The following DLGAP2 variants were observed in gnomAD, a reference collection of about 807,000 sequenced individuals.
DLGAP2 encodes disks large-associated protein 2.
A neutral mutation model predicts 100.3 loss-of-function variants in DLGAP2; 26 were observed. The ratio of observed to expected loss-of-function variants is 0.26; its 90% CI spans 0.19 to 0.36. The LOEUF (loss-of-function observed/expected upper bound fraction) is 0.36, where lower values mean the gene tolerates loss of function less well. DLGAP2 is among the 10% of genes least tolerant of loss of function. DLGAP2 has a pLI of 1.00. For synonymous variants in DLGAP2, 886 were observed against 630.1 expected (o/e 1.41, Z -6.08); for missense variants, 1,858 against 1,453.2 (o/e 1.28, Z -4.53).
intron 1 of DLGAP2, among the ~76,000 whole-genome samples, chr8:860,145 C>T (rs980952100): frequency 1.3e-5 from 2 of 152,140 alleles, no homozygotes; most frequent in Admixed American, 1.3e-4. Context: ...GCTGTAGATG[C>T]TGTCATGGCT....
At chr8:1,552,525 A>G (rs1801805022) in intron 5 of DLGAP2, among the ~76,000 whole-genome samples, 1 of 152,152 alleles carries the variant, frequency 6.6e-6, no homozygotes, top group Admixed American at 6.5e-5. Flanking sequence ...GGCATTTTCA[A>G]AGATGCCTGT....
chr8:1,281,796 G>C (rs1799818779), intron 3 of DLGAP2, among the ~76,000 whole-genome samples: 1 of 152,158 alleles, frequency 6.6e-6, no homozygotes, highest in South Asian at 2.1e-4. Context: ...GGAGGGACGC[G>C]GTCCCACCCC....
chr8:1,266,523 T>C (rs745764536), intron 3 of DLGAP2, among the ~76,000 whole-genome samples: 1 of 152,126 alleles, frequency 6.6e-6, no homozygotes, highest in Non-Finnish European at 1.5e-5. Flanking sequence ...ATTATTTGCT[T>C]CCTTAAATCC....
At chr8:1,367,864 TA>T (rs559437758) in intron 3 of DLGAP2, among the ~76,000 whole-genome samples, 44 of 152,332 alleles carry the variant, frequency 2.9e-4, no homozygotes, top group Admixed American at 1.2e-3. Context: ...AAATCATATA[TA>T]AACTGGTAAG....
At chr8:1,074,799 T>A (rs185960534) in intron 2 of DLGAP2, among the ~76,000 whole-genome samples, 1 of 152,296 alleles carries the variant, frequency 6.6e-6, no homozygotes, top group Admixed American at 6.5e-5. Flanking sequence ...TATATAGACT[T>A]GATGCAGGTC....
chr8:1,308,992 G>T (rs1182159228), intron 3 of DLGAP2, among the ~76,000 whole-genome samples: 4 of 152,120 alleles, frequency 2.6e-5, no homozygotes, highest in Non-Finnish European at 4.4e-5. Flanking sequence ...TTCAGCAGCA[G>T]ATTTGAGCAG....
intron 2 of DLGAP2, among the ~76,000 whole-genome samples, chr8:1,145,686 A>G (rs919265046): frequency 6.6e-6 from 1 of 151,330 alleles, no homozygotes; most frequent in Non-Finnish European, 1.5e-5. Context: ...ATATGTATAC[A>G]TGTGCCATGC....
intron 1 of DLGAP2, among the ~76,000 whole-genome samples, chr8:799,010 C>G (rs1304348066): frequency 6.6e-6 from 1 of 152,244 alleles, no homozygotes; most frequent in East Asian, 1.9e-4. Context: ...CCTAGGATTT[C>G]AGGTCGCTGG....
chr8:1,200,481 C>T (rs1404525441), intron 2 of DLGAP2, among the ~76,000 whole-genome samples: 1 of 152,208 alleles, frequency 6.6e-6, no homozygotes, highest in African/African-American at 2.4e-5. Flanking sequence ...AACCATCCAT[C>T]TGGCCTCGTG....
In DLGAP2 at chr8:947,939, C is replaced by T. The variant is rs78882418; in HGVS notation, c.73+39973C>T. 1.9e-3 allele frequency among the ~76,000 whole-genome samples: 272 copies of T among 142,712 alleles called. 2 individuals are homozygous for T. The highest frequency in any genetic ancestry group is 6.8e-3 in the African/African-American group (267 of 39,190). The allele number at this position is 142,712 out of a possible 152,430, so 93.6% of individuals were successfully genotyped here. ...TGCCAACCCGCGTGTGCCATGGGTT[C>T]CACCGACCCCGTGCCAGCCCGCGTG... On this transcript the variant is annotated intron_variant, in intron 2 of 14. Coordinates refer to ENST00000637795, the MANE Select transcript of DLGAP2 (RefSeq NM_001346810.2).
intron 3 of DLGAP2, among the ~76,000 whole-genome samples, chr8:1,373,272 G>A (rs951254866): frequency 6.6e-6 from 1 of 151,852 alleles, no homozygotes; most frequent in South Asian, 2.1e-4. Flanking sequence ...CGCCACGCGC[G>A]TGCGGCCCGG....
intron 3 of DLGAP2, among the ~76,000 whole-genome samples, chr8:1,485,381 G>T (rs558305254): frequency 6.6e-6 from 1 of 152,316 alleles, no homozygotes; most frequent in Admixed American, 6.5e-5. Flanking sequence ...TTTTAAGAGC[G>T]TTCATGCAGA....
chr8:1,370,875 T>C (rs546519737), intron 3 of DLGAP2, among the ~76,000 whole-genome samples: 61 of 152,342 alleles, frequency 4.0e-4, no homozygotes, highest in African/African-American at 1.3e-3. Context: ...GTTGTAAGGA[T>C]TGAATAAGTT....
intron 2 of DLGAP2, among the ~76,000 whole-genome samples, chr8:1,010,392 T>G (rs544394818): frequency 2.8e-4 from 42 of 151,648 alleles, no homozygotes; most frequent in Non-Finnish European, 5.3e-4. Flanking sequence ...CAGTCAGATA[T>G]CACAGTTTTA....
chr8:948,660 T>G (rs1033779137), intron 2 of DLGAP2, among the ~76,000 whole-genome samples: 18 of 152,198 alleles, frequency 1.2e-4, no homozygotes, highest in Admixed American at 5.9e-4. Context: ...GGTTGCAGTG[T>G]GGAAATGCCG....
At chr8:1,600,058 G>C (rs377719772) in intron 6 of DLGAP2, among the ~76,000 whole-genome samples, 11 of 152,262 alleles carry the variant, frequency 7.2e-5, no homozygotes, top group South Asian at 4.1e-4. Context: ...CTCTTGTAAG[G>C]CAGGCCTGGT....
At chr8:1,663,438 C>G (rs542404716) in intron 8 of DLGAP2, among the ~76,000 whole-genome samples, 1 of 152,072 alleles carries the variant, frequency 6.6e-6, no homozygotes, top group African/African-American at 2.4e-5. Flanking sequence ...TGCTTATCTC[C>G]GCTTCGTGGG....
chr8:777,397 T>C (rs549076586), intron 1 of DLGAP2, among the ~76,000 whole-genome samples: 205 of 152,284 alleles, frequency 1.3e-3, no homozygotes, highest in African/African-American at 4.8e-3. Flanking sequence ...GTCATCATGA[T>C]GTTAGCTGTT....
At chr8:1,437,758 A>T (rs2130044103) in intron 3 of DLGAP2, among the ~76,000 whole-genome samples, 1 of 145,406 alleles carries the variant, frequency 6.9e-6, no homozygotes, top group Non-Finnish European at 1.5e-5. Flanking sequence ...ATTTGAGGTC[A>T]GGAGTTCGAG....
Sources: gnomAD v4.1 joint callset for allele counts (sites outside exome capture counted in the v4.1 genomes callset) on GRCh38, gnomAD v4.1.1 for gene constraint, MANE v1.5 for transcripts, NCBI Gene and HGNC (gene_info 2026-07-23, HGNC 2026-07-21) for gene names.